Variants in GABRG3 observed in about 807,000 individuals in gnomAD.
GABRG3 encodes gamma-aminobutyric acid receptor subunit gamma-3.
A neutral mutation model predicts 48.8 loss-of-function variants in GABRG3; 25 were observed. The ratio of observed to expected loss-of-function variants is 0.51; its 90% CI spans 0.37 to 0.72. The LOEUF (loss-of-function observed/expected upper bound fraction) is 0.72. GABRG3 is among the 30% of genes least tolerant of loss of function. The probability of loss-of-function intolerance (pLI) is 0.00; values close to 1 mark genes in which losing one functional copy is unlikely to be tolerated. For missense variants in GABRG3, 394 were observed against 577.9 expected (o/e 0.68, Z 3.26); for synonymous variants, 227 against 217.6 (o/e 1.04, Z -0.38).
intron 3 of GABRG3, among the ~76,000 whole-genome samples, chr15:27,204,535 C>T (rs934256072): frequency 2.0e-5 from 3 of 151,858 alleles, no homozygotes; most frequent in Non-Finnish European, 2.9e-5. Flanking sequence ...TTTTTGGTTC[C>T]AAATGAATTT....
chr15:27,503,153 T>C (rs968600828), intron 6 of GABRG3, among the ~76,000 whole-genome samples: 1 of 152,186 alleles, frequency 6.6e-6, no homozygotes, highest in Non-Finnish European at 1.5e-5. Context: ...TGAAGGTGCC[T>C]AGAGGCTGCC....
At chr15:27,307,699 TTATA>T (rs1306643823) in intron 3 of GABRG3, among the ~76,000 whole-genome samples, 3 of 125,660 alleles carry the variant, frequency 2.4e-5, no homozygotes, top group Non-Finnish European at 4.9e-5. Context: ...GTTTATATAT[TTATA>T]TATAAACCTA....
At chr15:27,200,268 G>T (rs1225845573) in intron 3 of GABRG3, among the ~76,000 whole-genome samples, 1 of 152,208 alleles carries the variant, frequency 6.6e-6, no homozygotes, top group Non-Finnish European at 1.5e-5. Flanking sequence ...TTATGTGGGG[G>T]CAGGCATGGC....
At chr15:27,278,561 C>T (rs1251272835) in intron 3 of GABRG3, among the ~76,000 whole-genome samples, 2 of 152,152 alleles carry the variant, frequency 1.3e-5, no homozygotes, top group African/African-American at 4.8e-5. Context: ...AGGTATTGCT[C>T]TGAGATTGCC....
rs974514824 is a variant in GABRG3 at position 27,537,664 on chromosome 15, T to G, written c.*4783T>G. On this transcript the variant is annotated 3_prime_UTR_variant, in exon 10 of 10. Transcript: ENST00000615808. ...ATTAAAAACTTGGCTTTCTTTTTCT[T>G]AATGTCTAATAGTTTTGAAGACTAG... 15 of 152,116 alleles carry G rather than the reference T, an allele frequency of 9.9e-5. No individual in the cohort carries two copies. The highest frequency in any genetic ancestry group is 1.9e-4 in the East Asian group (1 of 5,192). 9.4% of individuals were successfully genotyped at this position (152,116 alleles called of 1,614,324 possible). A position where few individuals can be genotyped will look rare whatever the true frequency, so the allele number is the denominator to read the frequency against.
chr15:27,323,016 G>A (rs549801139), intron 3 of GABRG3, among the ~76,000 whole-genome samples: 23 of 152,154 alleles, frequency 1.5e-4, no homozygotes, highest in Admixed American at 7.2e-4. Context: ...GTGTTCTCCC[G>A]ATCTCATACT....
chr15:27,254,231 A>G (rs1334314243), intron 3 of GABRG3, among the ~76,000 whole-genome samples: 1 of 152,096 alleles, frequency 6.6e-6, no homozygotes, highest in Non-Finnish European at 1.5e-5. Context: ...GTGGGGATGC[A>G]GGCTGGGGAG....
chr15:27,490,815 A>G (rs572420518), intron 6 of GABRG3, among the ~76,000 whole-genome samples: 2 of 152,264 alleles, frequency 1.3e-5, no homozygotes, highest in South Asian at 2.1e-4. Flanking sequence ...TTTTAGACTC[A>G]TTTGCTAAAC....
At chr15:27,027,004 A>G (rs1383929821) in intron 3 of GABRG3, 183 bp downstream of exon 3, 20 of 482,664 alleles carry the variant, frequency 4.1e-5, no homozygotes, top group Non-Finnish European at 5.9e-5. Flanking sequence ...ATAGCTTGTG[A>G]TGGTAGTAGC....
chr15:27,372,843 A>ACACTGTACCTTGAGTGGTTGT (rs1349924429), intron 5 of GABRG3, among the ~76,000 whole-genome samples: 14 of 152,268 alleles, frequency 9.2e-5, no homozygotes, highest in Admixed American at 7.2e-4. Flanking sequence ...CAGTCCCAGA[A>ACACTGTACCTTGAGTGGTTGT]CACTGTACCT....
At chr15:27,378,452 A>G (rs1895668035) in intron 5 of GABRG3, among the ~76,000 whole-genome samples, 2 of 152,184 alleles carry the variant, frequency 1.3e-5, no homozygotes, top group Non-Finnish European at 1.5e-5. Flanking sequence ...ATGGTGAATA[A>G]TAGATAATCC....
intron 5 of GABRG3, among the ~76,000 whole-genome samples, chr15:27,393,476 A>G (rs376931248): frequency 6.6e-6 from 1 of 152,162 alleles, no homozygotes; most frequent in African/African-American, 2.4e-5. Context: ...TGTGTTTATA[A>G]TGACCATATA....
At chr15:27,135,498 G>A (rs1292645541) in intron 3 of GABRG3, among the ~76,000 whole-genome samples, 1 of 152,148 alleles carries the variant, frequency 6.6e-6, no homozygotes, top group East Asian at 1.9e-4. Context: ...GATATTTAAG[G>A]CTGATCATTT....
chr15:27,085,920 G>C (rs1897067766), intron 3 of GABRG3, among the ~76,000 whole-genome samples: 1 of 152,092 alleles, frequency 6.6e-6, no homozygotes, highest in African/African-American at 2.4e-5. Flanking sequence ...ATTCAGAATA[G>C]TGACCTGTGT....
At chr15:27,159,337 C>G (rs977657565) in intron 3 of GABRG3, among the ~76,000 whole-genome samples, 1 of 151,974 alleles carries the variant, frequency 6.6e-6, no homozygotes, top group Non-Finnish European at 1.5e-5. Flanking sequence ...CAAAATTTGG[C>G]CAAGTGTGCT....
At chr15:26,991,177 T>G (rs1895241577) in intron 2 of GABRG3, among the ~76,000 whole-genome samples, 1 of 152,192 alleles carries the variant, frequency 6.6e-6, no homozygotes, top group African/African-American at 2.4e-5. Context: ...AGACATTCTT[T>G]CCCACCAGTG....
At chr15:27,297,088 AG>A (rs1892017365) in intron 3 of GABRG3, among the ~76,000 whole-genome samples, 1 of 152,148 alleles carries the variant, frequency 6.6e-6, no homozygotes, top group South Asian at 2.1e-4. Flanking sequence ...AAGGTAAAAA[AG>A]ATTTAAAAAT....
intron 2 of GABRG3, among the ~76,000 whole-genome samples, chr15:27,004,271 C>G (rs1172595545): frequency 1.3e-5 from 2 of 148,298 alleles, no homozygotes; most frequent in African/African-American, 5.0e-5. Context: ...ACTTCTCAGA[C>G]GGGGCGGCCG....
chr15:27,147,658 A>T (rs1898234175), intron 3 of GABRG3, among the ~76,000 whole-genome samples: 1 of 152,072 alleles, frequency 6.6e-6, no homozygotes, highest in African/African-American at 2.4e-5. Context: ...ATGGGAAATC[A>T]ACAACAGAAA....
Sources: gnomAD v4.1 joint callset for allele counts (sites outside exome capture counted in the v4.1 genomes callset) on GRCh38, gnomAD v4.1.1 for gene constraint, MANE v1.5 for transcripts, NCBI Gene and HGNC (gene_info 2026-07-23, HGNC 2026-07-21) for gene names.